Variants in DEPTOR observed in about 807,000 individuals in gnomAD.
DEPTOR encodes DEP domain containing MTOR interacting protein.
In DEPTOR, 41 loss-of-function variants were observed where a neutral mutation model predicts 41.6. That is an observed-to-expected ratio of 0.98 (90% CI 0.77 to 1.28). DEPTOR has a LOEUF of 1.28. Among genes scored for constraint, DEPTOR ranks in the 50% most tolerant of loss-of-function variants. The probability of loss-of-function intolerance (pLI) is 0.00; values close to 1 mark genes in which losing one functional copy is unlikely to be tolerated. For missense variants in DEPTOR, 514 were observed against 527.9 expected, an observed-to-expected ratio of 0.97 and a Z score of 0.26; for synonymous variants, 195 against 192.3, an observed-to-expected ratio of 1.01 and a Z score of -0.12.
intron 8 of DEPTOR, among the ~76,000 whole-genome samples, chr8:120,041,834 G>A (rs536068432): frequency 1.3e-5 from 2 of 152,268 alleles, no homozygotes; most frequent in South Asian, 2.1e-4. Context: ...ACTGCACCCA[G>A]CGGTTCTTAG....
chr8:120,005,786 C>A (rs1414798229), intron 6 of DEPTOR, among the ~76,000 whole-genome samples: 1 of 151,968 alleles, frequency 6.6e-6, no homozygotes, highest in East Asian at 1.9e-4. Flanking sequence ...TTTAGGCAGC[C>A]GCAAGTCAGG....
At chr8:119,977,167 A>C (rs1414135773) in intron 4 of DEPTOR, among the ~76,000 whole-genome samples, 1 of 151,792 alleles carries the variant, frequency 6.6e-6, no homozygotes, top group African/African-American at 2.4e-5. Flanking sequence ...CACCCAGCTA[A>C]TTTTTTTGTA....
intron 1 of DEPTOR, among the ~76,000 whole-genome samples, chr8:119,890,086 T>G (rs1726182770): frequency 6.6e-6 from 1 of 151,922 alleles, no homozygotes; most frequent in Non-Finnish European, 1.5e-5. Flanking sequence ...TGCCTCAGCC[T>G]CCTGAGAAGC....
intron 3 of DEPTOR, among the ~76,000 whole-genome samples, chr8:119,942,380 A>G (rs1828214705): frequency 6.6e-6 from 1 of 152,044 alleles, no homozygotes; most frequent in Non-Finnish European, 1.5e-5. Context: ...TAATTTTTGT[A>G]TTTTTAGTAG....
chr8:119,884,135 G>A (rs951263625), intron 1 of DEPTOR, among the ~76,000 whole-genome samples: 1 of 152,132 alleles, frequency 6.6e-6, no homozygotes, highest in Non-Finnish European at 1.5e-5. Flanking sequence ...TTGGCTCACC[G>A]CAACCTCCGG....
chr8:119,915,035 C>G (rs947113194), intron 1 of DEPTOR, among the ~76,000 whole-genome samples: 2 of 152,092 alleles, frequency 1.3e-5, no homozygotes, highest in Admixed American at 6.6e-5. Flanking sequence ...GGCACAATCT[C>G]AGCTCACTGC....
Position 119,935,999 on chromosome 8 carries a change from G to GTTTTTT in DEPTOR, c.425+6076_425+6081dup, listed in dbSNP as rs67211224. On this transcript the variant is annotated intron_variant, in intron 3 of 8. Coordinates refer to ENST00000286234, the MANE Select transcript of DEPTOR (RefSeq NM_022783.4). Reference sequence around the variant, plus strand: ...GGTTCATAGACACATTAGTCTAGTTGTTTTTTTTTTTTTTTTTTTTATCCA... The same window carrying GTTTTTT: ...GGTTCATAGACACATTAGTCTAGTTGTTTTTTTTTTTTTTTTTTTTTTTTTTATCCA... Among the ~76,000 whole-genome samples, 9 of 123,862 alleles carry GTTTTTT rather than the reference G, an allele frequency of 7.3e-5. 1 individual carries two copies. The highest frequency in any genetic ancestry group is 1.3e-4 in the Non-Finnish European group (8 of 60,706). The allele number at this position is 123,862 out of a possible 152,430, so 81.3% of individuals were successfully genotyped here.
At position 119,885,453 on chromosome 8, in the gene DEPTOR, C is replaced by T. The variant is rs1827351991; in HGVS notation, c.122+11485C>T. ...TAATGTATGACTCTGATTCATTTTC[C>T]CTCACATTGCCAATTACATTCTACA... On this transcript the variant is annotated intron_variant, in intron 1 of 8. Transcript: ENST00000286234. Among the ~76,000 whole-genome samples the T allele has an allele frequency of 2.0e-5, 3 of 152,120 alleles. No individual in the cohort carries two copies. The South Asian group carries it at 6.2e-4, about 32-fold the overall frequency.
intron 3 of DEPTOR, among the ~76,000 whole-genome samples, chr8:119,946,349 A>G (rs1828276215): frequency 6.6e-6 from 1 of 152,152 alleles, no homozygotes. Context: ...AATCTCCATA[A>G]ACTGAACATA....
intron 3 of DEPTOR, among the ~76,000 whole-genome samples, chr8:119,951,844 G>T (rs1828357374): frequency 1.3e-5 from 2 of 152,020 alleles, no homozygotes; most frequent in Admixed American, 1.3e-4. Context: ...CGTAAAAATT[G>T]AGAGGAAATT....
chr8:120,004,639 C>A (rs556695758), intron 6 of DEPTOR, among the ~76,000 whole-genome samples: 1 of 152,274 alleles, frequency 6.6e-6, no homozygotes, highest in South Asian at 2.1e-4. Flanking sequence ...CCTCTTTCTC[C>A]TTGCCTCTGG....
chr8:119,920,827 C>G (rs913139968), intron 1 of DEPTOR, among the ~76,000 whole-genome samples: 4 of 152,132 alleles, frequency 2.6e-5, no homozygotes, highest in African/African-American at 9.7e-5. Context: ...CTGGAAAACT[C>G]TAAGGATCTG....
chr8:120,005,524 T>A (rs1207525481), intron 6 of DEPTOR, among the ~76,000 whole-genome samples: 1 of 152,144 alleles, frequency 6.6e-6, no homozygotes, highest in East Asian at 1.9e-4. Context: ...TGCTGCACAC[T>A]CTTTCCAGGA....
At chr8:120,004,674 T>A (rs73705874) in intron 6 of DEPTOR, among the ~76,000 whole-genome samples, 1 of 152,036 alleles carries the variant, frequency 6.6e-6, no homozygotes, top group Non-Finnish European at 1.5e-5. Flanking sequence ...TTTACTGTTA[T>A]GCAGGCAGAA....
intron 8 of DEPTOR, among the ~76,000 whole-genome samples, chr8:120,024,704 G>A (rs1172548766): frequency 6.6e-6 from 1 of 152,140 alleles, no homozygotes. Context: ...AAGGAAGGAT[G>A]CTCCCCTAGA....
intron 3 of DEPTOR, among the ~76,000 whole-genome samples, chr8:119,933,670 G>A (rs1014606806): frequency 6.6e-5 from 10 of 152,104 alleles, no homozygotes; most frequent in Non-Finnish European, 1.3e-4. Context: ...CAGTTTGCGA[G>A]GGACAGGGTG....
intron 3 of DEPTOR, among the ~76,000 whole-genome samples, chr8:119,956,990 G>C (rs10098796): frequency 0.05 from 7,580 of 152,054 alleles, 292 homozygotes; most frequent in South Asian, 0.17. Context: ...ACCTGCCTTG[G>C]CCTCCCAAAG....
chr8:119,879,776 G>T (rs543308605), intron 1 of DEPTOR, among the ~76,000 whole-genome samples: 1 of 149,758 alleles, frequency 6.7e-6, no homozygotes, highest in Non-Finnish European at 1.5e-5. Context: ...TTGGGAGGCC[G>T]AGGTGGGTGG....
At chr8:119,884,015 C>T (rs1221797384) in intron 1 of DEPTOR, among the ~76,000 whole-genome samples, 2 of 152,190 alleles carry the variant, frequency 1.3e-5, no homozygotes, top group Non-Finnish European at 2.9e-5. Context: ...AATGAACATT[C>T]TCATAGCCAT....
Sources: allele counts gnomAD v4.1 joint callset (sites outside exome capture counted in the v4.1 genomes callset), GRCh38; gene constraint gnomAD v4.1.1; transcripts MANE v1.5; gene names NCBI Gene and HGNC (gene_info 2026-07-23, HGNC 2026-07-21).